The following ADGRF5 variants were observed in gnomAD, a reference collection of about 807,000 sequenced individuals.
ADGRF5 encodes adhesion G protein-coupled receptor F5.
A neutral mutation model predicts 132.3 loss-of-function variants in ADGRF5; 75 were observed. The ratio of observed to expected loss-of-function variants is 0.57; its 90% CI spans 0.47 to 0.69. The LOEUF (loss-of-function observed/expected upper bound fraction) is 0.69. Ranked by LOEUF, ADGRF5 falls within the 30% of genes least tolerant of loss-of-function variation. ADGRF5 has a pLI of 0.00. For missense variants in ADGRF5, 1,516 were observed against 1,630.6 expected (o/e 0.93, Z 1.21); for synonymous variants, 629 against 597.6 (o/e 1.05, Z -0.77).
At chr6:46,869,331 C>T in intron 11 of ADGRF5, 1 of 985,272 alleles carries the variant, frequency 1.0e-6, no homozygotes, top group Non-Finnish European at 1.2e-6. Flanking sequence ...TGCCTTAGGA[C>T]CTCGTGCACT....
In ADGRF5 at chr6:46,871,892, G is replaced by A. The variant is rs1387605166; in HGVS notation, c.1362C>T (p.Ala454=). 1 of 1,611,580 alleles carries A rather than the reference G, an allele frequency of 6.2e-7. No individual in the cohort carries two copies. Among genetic ancestry groups the A allele is most frequent in the Non-Finnish European group, 8.5e-7 (1 of 1,178,246 alleles). ...TVIYTCEFIS[A]YGARGSANIK... ...TGTTTGCACTGCCTCTGGCTCCATAGGCACTGATGAACTCACAAGTGTAGA... is the reference window on the plus strand; with the variant it reads ...TGTTTGCACTGCCTCTGGCTCCATAAGCACTGATGAACTCACAAGTGTAGA... Residue 454 remains alanine (A), a synonymous_variant, in exon 11 of 21, where the codon GCC becomes GCT. Transcript: ENST00000283296.
At chr6:46,872,105 G>A (rs770981236) in intron 10 of ADGRF5, 92 bp from the exon 11 acceptor site, 8 of 860,216 alleles carry the variant, frequency 9.3e-6, no homozygotes, top group Non-Finnish European at 1.4e-5. Flanking sequence ...CATAAAAGGA[G>A]TTACTATTTA....
At chr6:46,928,109 G>A (rs559090998) in intron 1 of ADGRF5, among the ~76,000 whole-genome samples, 2 of 152,180 alleles carry the variant, frequency 1.3e-5, no homozygotes, top group Non-Finnish European at 2.9e-5. Flanking sequence ...GTCAGATTGG[G>A]TTCCAGACGA....
intron 3 of ADGRF5, among the ~76,000 whole-genome samples, chr6:46,899,177 G>C (rs1039287701): frequency 6.6e-6 from 1 of 152,166 alleles, no homozygotes; most frequent in Non-Finnish European, 1.5e-5. Context: ...TGAGGCTTCA[G>C]TGGGGGTCTC....
intron 2 of ADGRF5, among the ~76,000 whole-genome samples, chr6:46,900,778 T>A (rs1330642638): frequency 6.6e-6 from 1 of 152,186 alleles, no homozygotes; most frequent in Non-Finnish European, 1.5e-5. Flanking sequence ...AGGTTTGTTA[T>A]GAGAACTAAG....
At chr6:46,914,753 C>T (rs912963833) in intron 1 of ADGRF5, among the ~76,000 whole-genome samples, 1 of 151,854 alleles carries the variant, frequency 6.6e-6, no homozygotes, top group Non-Finnish European at 1.5e-5. Context: ...GGAGGGGTTT[C>T]CCTAAGCCAT....
In ADGRF5 at chr6:46,853,363, C is replaced by T. The variant is rs1035376224; in HGVS notation, c.*629G>A. The T allele has an allele frequency of 4.6e-5, 7 of 151,930 alleles. No homozygotes were observed. The highest frequency in any genetic ancestry group is 1.4e-4 in the African/African-American group (6 of 41,414). The allele number at this position is 151,930 out of a possible 1,614,324, so 9.4% of individuals were successfully genotyped here. A position where few individuals can be genotyped will look rare whatever the true frequency, so the allele number is the denominator to read the frequency against. ...AAGAAGACATCAGGAAGATACTGCC[C>T]AAAGTATTCATTCCCCATGACTTGC... On this transcript the variant is annotated 3_prime_UTR_variant, in exon 21 of 21. Coordinates refer to ENST00000283296, the MANE Select transcript of ADGRF5 (RefSeq NM_001098518.2).
At chr6:46,888,054 A>G in intron 4 of ADGRF5, 1 of 257,836 alleles carries the variant, frequency 3.9e-6, no homozygotes, top group South Asian at 6.7e-5. Flanking sequence ...GTAGTTTATT[A>G]TGAAGGACCT....
In ADGRF5 at chr6:46,865,299, C is replaced by T. The variant is rs994316323; in HGVS notation, c.1835-102G>A. The stretch of plus-strand genomic sequence containing the variant: ...ATGAATAAACCTGTCCAAGCTTTCC[C>T]GAGGAATGTGCCACATTCATTTTTA... On this transcript the variant is annotated intron_variant, in intron 13 of 20. Transcript: ENST00000283296. 22 of 773,968 alleles carry T rather than the reference C, an allele frequency of 2.8e-5. 1 individual carries two copies. Among genetic ancestry groups the T allele is most frequent in the African/African-American group, 2.4e-4 (14 of 57,824 alleles). 47.9% of individuals were successfully genotyped at this position (773,968 alleles called of 1,614,324 possible).
At chr6:46,876,871 C>G (rs959449100) in intron 10 of ADGRF5, among the ~76,000 whole-genome samples, 8 of 151,050 alleles carry the variant, frequency 5.3e-5, no homozygotes, top group African/African-American at 1.9e-4. Context: ...TCTGAAAGTG[C>G]TGGGATTACA....
intron 4 of ADGRF5, chr6:46,886,834 G>T (rs1321702725): frequency 1.3e-5 from 2 of 152,208 alleles, no homozygotes; most frequent in African/African-American, 4.8e-5. Flanking sequence ...TGAGGTCCAT[G>T]AGCCTGAGGC....
At chr6:46,944,768 A>C (rs1310257101) in intron 1 of ADGRF5, among the ~76,000 whole-genome samples, 1 of 152,222 alleles carries the variant, frequency 6.6e-6, no homozygotes, top group South Asian at 2.1e-4. Flanking sequence ...AGAGCAGGGC[A>C]CATACTTTAT....
At chr6:46,881,655 T>G in intron 7 of ADGRF5, 58 bp from the exon 8 acceptor site, 2 of 1,493,560 alleles carry the variant, frequency 1.3e-6, no homozygotes, top group Non-Finnish European at 1.8e-6. Flanking sequence ...AGTCTAGATA[T>G]TTATGGCTTA....
chr6:46,875,735 C>A (rs531544510), intron 10 of ADGRF5, among the ~76,000 whole-genome samples: 114 of 152,234 alleles, frequency 7.5e-4, no homozygotes, highest in African/African-American at 2.4e-3. Flanking sequence ...CGAGATTGCG[C>A]CACTGCACTC....
chr6:46,927,960 G>GC (rs1777340234), intron 1 of ADGRF5, among the ~76,000 whole-genome samples: 1 of 152,152 alleles, frequency 6.6e-6, no homozygotes, highest in Non-Finnish European at 1.5e-5. Flanking sequence ...TAGCTGTATT[G>GC]CCCTCTTGAG....
chr6:46,919,269 G>A (rs1465957127), intron 1 of ADGRF5, among the ~76,000 whole-genome samples: 1 of 152,116 alleles, frequency 6.6e-6, no homozygotes, highest in Non-Finnish European at 1.5e-5. Context: ...AGTAATCTGA[G>A]TTTCTTCTCA....
intron 2 of ADGRF5, 34 bp from the exon 3 acceptor site, chr6:46,900,117 C>G (rs371020966): frequency 6.5e-7 from 1 of 1,535,556 alleles, no homozygotes; most frequent in Non-Finnish European, 9.0e-7. Flanking sequence ...TGTCAATTAA[C>G]GTTAGAGAAG....
intron 1 of ADGRF5, among the ~76,000 whole-genome samples, chr6:46,940,907 T>C (rs1778023349): frequency 1.3e-5 from 2 of 152,178 alleles, no homozygotes; most frequent in Non-Finnish European, 2.9e-5. Flanking sequence ...CCCAAGAATT[T>C]TCAAATTTTA....
At chr6:46,875,083 C>T (rs545696987) in intron 10 of ADGRF5, among the ~76,000 whole-genome samples, 1 of 152,146 alleles carries the variant, frequency 6.6e-6, no homozygotes, top group Non-Finnish European at 1.5e-5. Flanking sequence ...ACCCAGAAAA[C>T]CACTGCTATA....
Sources: allele counts gnomAD v4.1 joint callset (sites outside exome capture counted in the v4.1 genomes callset), GRCh38; gene constraint gnomAD v4.1.1; transcripts MANE v1.5; gene names NCBI Gene and HGNC (gene_info 2026-07-23, HGNC 2026-07-21).